UNC5C: variants seen among roughly 807,000 people sequenced by gnomAD.
The protein encoded by UNC5C is unc-5 netrin receptor C.
In UNC5C, 47 loss-of-function variants were observed where a neutral mutation model predicts 99.8. The observed-to-expected ratio is 0.47, with a 90% CI of 0.37 to 0.60. UNC5C has a LOEUF of 0.60. UNC5C is among the 20% of genes least tolerant of loss of function. The pLI, the probability that UNC5C is intolerant of heterozygous loss-of-function variation, is 0.00. For missense variants in UNC5C, 1,062 were observed against 1,165.9 expected, an observed-to-expected ratio of 0.91 and a Z score of 1.30; for synonymous variants, 487 against 452.2, an observed-to-expected ratio of 1.08 and a Z score of -0.98.
intron 4 of UNC5C, among the ~76,000 whole-genome samples, chr4:95,251,414 A>G (rs911815351): frequency 5.3e-5 from 8 of 152,160 alleles, no homozygotes; most frequent in African/African-American, 1.9e-4. Context: ...GGGGAACCTG[A>G]CCTTAAGACA....
At chr4:95,421,990 C>G (rs538376246) in intron 1 of UNC5C, among the ~76,000 whole-genome samples, 2 of 152,294 alleles carry the variant, frequency 1.3e-5, no homozygotes, top group Admixed American at 1.3e-4. Context: ...AGCAAAAGAT[C>G]TGTGGTAACA....
intron 5 of UNC5C, among the ~76,000 whole-genome samples, 199 bp downstream of exon 5, chr4:95,250,288 G>A (rs1739648616): frequency 6.6e-6 from 1 of 152,144 alleles, no homozygotes; most frequent in Non-Finnish European, 1.5e-5. Context: ...AGGATGCTGA[G>A]GTGGGAGTAT....
intron 9 of UNC5C, among the ~76,000 whole-genome samples, chr4:95,218,192 A>C (rs1249903275): frequency 6.6e-6 from 1 of 152,172 alleles, no homozygotes; most frequent in Non-Finnish European, 1.5e-5. Context: ...TGCCCAAAAG[A>C]ATTAGATAGA....
chr4:95,384,133 A>G (rs138357658), intron 1 of UNC5C, among the ~76,000 whole-genome samples: 18 of 152,292 alleles, frequency 1.2e-4, no homozygotes, highest in African/African-American at 4.1e-4. Flanking sequence ...AAGCCCAAAT[A>G]TTTCATTATG....
chr4:95,422,753 C>T (rs1746358065), intron 1 of UNC5C, among the ~76,000 whole-genome samples: 1 of 151,434 alleles, frequency 6.6e-6, no homozygotes. Context: ...TGTTAATACG[C>T]TATTCTCTTT....
intron 7 of UNC5C, among the ~76,000 whole-genome samples, chr4:95,220,863 C>T (rs1398638216): frequency 6.6e-6 from 1 of 152,168 alleles, no homozygotes; most frequent in Non-Finnish European, 1.5e-5. Context: ...GAACCCTGAG[C>T]TTCTCACGGT....
intron 1 of UNC5C, among the ~76,000 whole-genome samples, chr4:95,344,754 T>G (rs572446524): frequency 6.6e-6 from 1 of 152,194 alleles, no homozygotes; most frequent in African/African-American, 2.4e-5. Context: ...TTTATACAAG[T>G]CAGTGTTAAG....
At chr4:95,472,571 T>C (rs1748003974) in intron 1 of UNC5C, among the ~76,000 whole-genome samples, 1 of 152,162 alleles carries the variant, frequency 6.6e-6, no homozygotes, top group Admixed American at 6.6e-5. Flanking sequence ...TGGTTCATTT[T>C]ATCCTTTGCA....
chr4:95,523,158 C>T (rs1283613752), intron 1 of UNC5C, among the ~76,000 whole-genome samples: 1 of 152,192 alleles, frequency 6.6e-6, no homozygotes, highest in Admixed American at 6.5e-5. Context: ...AGGCAAGCTT[C>T]AGCCTCACCA....
intron 1 of UNC5C, among the ~76,000 whole-genome samples, chr4:95,511,954 G>T (rs1722087721): frequency 6.6e-6 from 1 of 152,094 alleles, no homozygotes; most frequent in Non-Finnish European, 1.5e-5. Flanking sequence ...ATCTTGTTTT[G>T]GCAGAAACTT....
At chr4:95,176,293 C>G (rs1489096417) in intron 14 of UNC5C, among the ~76,000 whole-genome samples, 2 of 151,668 alleles carry the variant, frequency 1.3e-5, no homozygotes, top group Non-Finnish European at 2.9e-5. Context: ...TGAGGAACTG[C>G]GTTCCTTTGG....
intron 1 of UNC5C, among the ~76,000 whole-genome samples, chr4:95,376,029 G>A (rs1420898812): frequency 6.6e-6 from 1 of 151,886 alleles, no homozygotes; most frequent in Non-Finnish European, 1.5e-5. Context: ...CTCCAGCCTG[G>A]GCAACATAGC....
At chr4:95,207,212 C>A (rs1001722698) in intron 10 of UNC5C, among the ~76,000 whole-genome samples, 3 of 152,028 alleles carry the variant, frequency 2.0e-5, no homozygotes, top group East Asian at 1.9e-4. Context: ...GGTTTCAGGA[C>A]CTGACTTGAA....
At chr4:95,218,048 A>G (rs535458658) in intron 9 of UNC5C, among the ~76,000 whole-genome samples, 32 of 152,322 alleles carry the variant, frequency 2.1e-4, no homozygotes, top group African/African-American at 7.5e-4. Flanking sequence ...ATCAAATAAA[A>G]TTTCATATTC....
intron 1 of UNC5C, among the ~76,000 whole-genome samples, chr4:95,462,819 T>C (rs1421744116): frequency 3.3e-5 from 5 of 152,162 alleles, no homozygotes; most frequent in Non-Finnish European, 2.9e-5. Context: ...TACTAGTATT[T>C]GATTCTCTAG....
At chr4:95,498,825 T>C (rs1721695416) in intron 1 of UNC5C, among the ~76,000 whole-genome samples, 1 of 152,172 alleles carries the variant, frequency 6.6e-6, no homozygotes, top group African/African-American at 2.4e-5. Context: ...ATAAGGATTC[T>C]AAGTTTGGTC....
In UNC5C at chr4:95,378,179, G is replaced by A. The variant is rs576189731; in HGVS notation, c.125-42548C>T. Among the ~76,000 whole-genome samples the A allele has an allele frequency of 2.6e-5, 4 of 152,242 alleles. No individual in the cohort carries two copies. In the South Asian group the frequency reaches 8.3e-4, roughly 32 times the overall value. ...TTCTTTCCCAAAGGAATACGCTGAT[G>A]GAAATGAGAATTATAGTTTTAACAA... On this transcript the variant is annotated intron_variant, in intron 1 of 15. Coordinates refer to ENST00000453304, the MANE Select transcript of UNC5C (RefSeq NM_003728.4).
chr4:95,276,003 TA>T (rs1361281116), intron 4 of UNC5C, among the ~76,000 whole-genome samples: 1 of 152,220 alleles, frequency 6.6e-6, no homozygotes, highest in Non-Finnish European at 1.5e-5. Flanking sequence ...TTTTTATGCT[TA>T]AAGATTCTTT....
chr4:95,448,594 G>A (rs574044603), intron 1 of UNC5C, among the ~76,000 whole-genome samples: 25 of 152,160 alleles, frequency 1.6e-4, no homozygotes, highest in Non-Finnish European at 3.1e-4. Flanking sequence ...GGGTGGAGTT[G>A]AGAGAAAATG....
Sources: allele counts gnomAD v4.1 joint callset (sites outside exome capture counted in the v4.1 genomes callset), GRCh38; gene constraint gnomAD v4.1.1; transcripts MANE v1.5; gene names NCBI Gene and HGNC (gene_info 2026-07-23, HGNC 2026-07-21).